The following NEBL variants were observed in gnomAD, a reference collection of about 807,000 sequenced individuals.
The protein encoded by NEBL is LIM and SH3 protein 2.
In NEBL, 122 loss-of-function variants were observed where a neutral mutation model predicts 140.2. The observed-to-expected ratio is 0.87, with a 90% CI of 0.75 to 1.01. The LOEUF (loss-of-function observed/expected upper bound fraction) is 1.01, where lower values mean the gene tolerates loss of function less well. NEBL is among the 50% of genes least tolerant of loss of function. The pLI is 0.00. For synonymous variants in NEBL, 436 were observed against 398.9 expected, an observed-to-expected ratio of 1.09 and a Z score of -1.11; for missense variants, 1,365 against 1,231.3, an observed-to-expected ratio of 1.11 and a Z score of -1.62.
chr10:21,188,598 CT>C (rs774673307), intron 3 of NEBL, among the ~76,000 whole-genome samples: 13,905 of 125,776 alleles, frequency 0.11, 942 homozygotes, highest in African/African-American at 0.3. Context: ...ATAGTAAAAT[CT>C]TTTTTTTTTT....
chr10:21,264,864 G>A (rs1160171151), intron 1 of NEBL, among the ~76,000 whole-genome samples: 1 of 151,810 alleles, frequency 6.6e-6, no homozygotes, highest in Non-Finnish European at 1.5e-5. Context: ...TTCAAATATG[G>A]TGCCTTCTTG....
At chr10:21,264,837 G>A (rs1334403208) in intron 1 of NEBL, among the ~76,000 whole-genome samples, 1 of 151,416 alleles carries the variant, frequency 6.6e-6, no homozygotes, top group Non-Finnish European at 1.5e-5. Context: ...TCAGTGTCTG[G>A]AAAGGGCTTG....
chr10:20,905,266 G>A (rs1848042071), intron 4 of NEBL, among the ~76,000 whole-genome samples: 1 of 152,184 alleles, frequency 6.6e-6, no homozygotes, highest in South Asian at 2.1e-4. Context: ...AGATTTAGCA[G>A]AAACCAAGTG....
At chr10:21,186,988 ATGTGTGTGTGTGTGTGTGTGTG>A (rs35359446) in intron 3 of NEBL, among the ~76,000 whole-genome samples, 1,534 of 141,982 alleles carry the variant, frequency 0.011, 25 homozygotes, top group African/African-American at 0.036. Context: ...CCAACTCTGT[ATGTGTGTGTGTGTGTGTGTGTG>A]TGTGTGTGTG....
rs1835167059 is a variant in NEBL, at chr10:20,783,553, A to T, written c.*2194T>A. ...CTTTCCTGATTACAAGCATTATTTC[A>T]AGTCAGTTTTCATTGCGGTTCTTAT... On this transcript the variant is annotated 3_prime_UTR_variant, in exon 28 of 28. Transcript: ENST00000377122. 6.6e-6 allele frequency: 1 copy of T among 152,260 alleles called. No individual in the cohort carries two copies. Among genetic ancestry groups the T allele is most frequent in the Admixed American group, 6.6e-5 (1 of 15,264 alleles). The allele number at this position is 152,260 out of a possible 1,614,324, so 9.4% of individuals were successfully genotyped here.
chr10:21,126,211 CT>C, intron 2 of NEBL: 1 of 1,308,934 alleles, frequency 7.6e-7, no homozygotes, highest in Non-Finnish European at 1.1e-6. Flanking sequence ...ATAATAACAA[CT>C]ACATTGCTGG....
chr10:20,822,760 T>C (rs2130849544), intron 19 of NEBL, among the ~76,000 whole-genome samples: 1 of 152,124 alleles, frequency 6.6e-6, no homozygotes, highest in East Asian at 1.9e-4. Flanking sequence ...AAAATATCAA[T>C]ATATGTTTCT....
At position 21,052,270 on chromosome 10, in the gene NEBL, C is replaced by T. The variant is rs118113810; in HGVS notation, c.165-32069G>A. ...CAGCAGATGTCACTTCATGAGTCAA[C>T]ACTGGGAAGAGAGAGCAAACGACCT... On this transcript the variant is annotated intron_variant, in intron 2 of 6. Coordinates refer to the NEBL transcript ENST00000417816. Among the ~76,000 whole-genome samples the T allele has an allele frequency of 7.3e-3, 1,112 of 152,274 alleles. 41 individuals carry two copies. In the East Asian group the frequency reaches 0.088, roughly 12 times the overall value.
intron 2 of NEBL, among the ~76,000 whole-genome samples, chr10:21,150,272 C>A (rs1751913): frequency 6.6e-6 from 1 of 152,192 alleles, no homozygotes; most frequent in East Asian, 1.9e-4. Context: ...TTATATCGAA[C>A]GGTTGGAAGC....
At chr10:21,017,860 G>C (rs1472483811) in intron 3 of NEBL, among the ~76,000 whole-genome samples, 2 of 144,776 alleles carry the variant, frequency 1.4e-5, no homozygotes, top group East Asian at 2.0e-4. Flanking sequence ...GTCTTGCTCT[G>C]TTGCCCAGGC....
chr10:21,004,411 A>G (rs1055066480), intron 3 of NEBL, among the ~76,000 whole-genome samples: 5 of 152,228 alleles, frequency 3.3e-5, no homozygotes, highest in East Asian at 1.9e-4. Context: ...GTTCTCAAAT[A>G]TTAACAAGCG....
chr10:20,809,726 C>T (rs1402487872), intron 25 of NEBL, 80 bp downstream of exon 25: 13 of 1,136,892 alleles, frequency 1.1e-5, no homozygotes, highest in Non-Finnish European at 1.7e-5. Context: ...TTACACAGTA[C>T]AATGAACCTC....
intron 1 of NEBL, among the ~76,000 whole-genome samples, chr10:21,267,735 A>G (rs190504323): frequency 1.0e-3 from 157 of 152,344 alleles, no homozygotes; most frequent in African/African-American, 3.5e-3. Context: ...TGCTATTTCA[A>G]TTTAATATTA....
At chr10:21,287,345 G>T (rs1843070101) in intron 1 of NEBL, among the ~76,000 whole-genome samples, 1 of 152,122 alleles carries the variant, frequency 6.6e-6, no homozygotes, top group African/African-American at 2.4e-5. Flanking sequence ...GGACCAGCCT[G>T]GGCAACATGG....
At chr10:21,212,340 T>G (rs1297187460) in intron 3 of NEBL, among the ~76,000 whole-genome samples, 1 of 152,116 alleles carries the variant, frequency 6.6e-6, no homozygotes, top group East Asian at 1.9e-4. Flanking sequence ...AAAATTAAAC[T>G]GACAAACAAA....
rs534768800 is a variant in NEBL, at chr10:20,785,430, C to A, written c.*317G>T. On this transcript the variant is annotated 3_prime_UTR_variant, in exon 28 of 28. Transcript: ENST00000377122. ...TCAAACACACACTACATTTAAGGGA[C>A]AATCAACTTCTCTATTAAAGTCTAC... 1.9e-5 allele frequency: 7 copies of A among 366,560 alleles called. No individual in the cohort carries two copies. Among genetic ancestry groups the A allele is most frequent in the Non-Finnish European group, 3.6e-5 (7 of 194,046 alleles). 22.7% of individuals were successfully genotyped at this position (366,560 alleles called of 1,614,324 possible). A position where few individuals can be genotyped will look rare whatever the true frequency, so the allele number is the denominator to read the frequency against.
intron 3 of NEBL, among the ~76,000 whole-genome samples, chr10:20,962,031 C>A (rs1340712106): frequency 6.6e-6 from 1 of 152,108 alleles, no homozygotes; most frequent in African/African-American, 2.4e-5. Context: ...TGTACAGCGG[C>A]AATAACAAAC....
chr10:21,102,426 C>T (rs542519395), intron 2 of NEBL, among the ~76,000 whole-genome samples: 1 of 152,294 alleles, frequency 6.6e-6, no homozygotes, highest in Non-Finnish European at 1.5e-5. Context: ...CATTCCCCAT[C>T]CTTACCCACT....
intron 3 of NEBL, among the ~76,000 whole-genome samples, chr10:21,192,739 G>C (rs550381562): frequency 1.4e-3 from 205 of 151,446 alleles, no homozygotes; most frequent in African/African-American, 4.8e-3. Context: ...CAGCTACGAG[G>C]GGGGCTGAGG....
Sources: allele counts gnomAD v4.1 joint callset (sites outside exome capture counted in the v4.1 genomes callset), GRCh38; gene constraint gnomAD v4.1.1; transcripts MANE v1.5; gene names NCBI Gene and HGNC (gene_info 2026-07-23, HGNC 2026-07-21).